The following DNAJA2 variants were observed in gnomAD, a reference collection of about 807,000 sequenced individuals.
DNAJA2 encodes the protein dnaJ homolog subfamily A member 2.
In DNAJA2, 6 loss-of-function variants were observed where a neutral mutation model predicts 49.3. That is an observed-to-expected ratio of 0.12 (90% CI 0.07 to 0.24). The LOEUF is 0.24. DNAJA2 is among the 10% of genes least tolerant of loss of function. DNAJA2 has a pLI of 1.00. For synonymous variants in DNAJA2, 160 were observed against 172.7 expected (o/e 0.93, Z 0.58); for missense variants, 347 against 516.8 (o/e 0.67, Z 3.19).
In DNAJA2 at chr16:46,973,615, G is replaced by C. The variant is rs1194496498; in HGVS notation, c.-43C>G. ...TGCTCGGGGAGAAGGTGGCGAAGCA[G>C]ACAGAGCGGAGTCGGGCCCACAAGC... On this transcript the variant is annotated 5_prime_UTR_variant, in exon 1 of 9. Transcript: ENST00000317089. The C allele has an allele frequency of 6.3e-7, 1 of 1,577,160 alleles. No homozygotes were observed. The highest frequency in any genetic ancestry group is 1.7e-5 in the Admixed American group (1 of 57,810).
In DNAJA2 at chr16:46,971,508, C is replaced by T. The variant is rs1379445095; in HGVS notation, c.203G>A (p.Arg68Lys). Residue 68 changes from arginine (R) to lysine (K), a missense_variant, in exon 3 of 9, where the codon AGA (arginine) becomes AAA (lysine). By Grantham distance (26) the Arg-to-Lys change is conservative. Transcript: ENST00000317089. ...TTCCCGAAGACCTTGCTCTCCGTAT[C>T]TGTCATATAACTCACGCTTCTCAGG... ...SNPEKRELYD[R>K]YGEQGLREGS... 6.2e-6 allele frequency: 10 copies of T among 1,613,652 alleles called. No homozygotes were observed. Among genetic ancestry groups the T allele is most frequent in the Non-Finnish European group, 8.5e-6 (10 of 1,179,914 alleles).
At chr16:46,960,914 A>G (rs1000973993) in intron 6 of DNAJA2, among the ~76,000 whole-genome samples, 1 of 151,606 alleles carries the variant, frequency 6.6e-6, no homozygotes, top group Non-Finnish European at 1.5e-5. Context: ...CGATCCCTTG[A>G]GCCCAGGATT....
intron 8 of DNAJA2, among the ~76,000 whole-genome samples, chr16:46,957,732 CA>C (rs1567352132): frequency 6.6e-6 from 1 of 151,638 alleles, no homozygotes; most frequent in Admixed American, 6.6e-5. Flanking sequence ...CTTTAAGAAC[CA>C]AAAAAAAGGT....
chr16:46,962,046 C>G (rs534512959), intron 6 of DNAJA2, among the ~76,000 whole-genome samples: 10 of 152,254 alleles, frequency 6.6e-5, no homozygotes, highest in Admixed American at 3.3e-4. Flanking sequence ...CCTTTACCAT[C>G]TTCTATTTTC....
chr16:46,964,204 T>C (rs981874497), intron 6 of DNAJA2, among the ~76,000 whole-genome samples: 3 of 152,110 alleles, frequency 2.0e-5, no homozygotes, highest in African/African-American at 7.2e-5. Context: ...AGAAAGCCTG[T>C]CTCTACTAAA....
intron 5 of DNAJA2, among the ~76,000 whole-genome samples, chr16:46,966,452 A>AC (rs1248880145): frequency 6.6e-6 from 1 of 152,238 alleles, no homozygotes; most frequent in Non-Finnish European, 1.5e-5. Context: ...CACACTAGCC[A>AC]CATGTGAAAT....
chr16:46,964,171 T>C (rs530833040), intron 6 of DNAJA2, among the ~76,000 whole-genome samples: 22 of 152,070 alleles, frequency 1.4e-4, no homozygotes, highest in Non-Finnish European at 2.6e-4. Context: ...GTTGGGAGCT[T>C]GAGACCAGCC....
Position 46,968,174 on chromosome 16 carries a change from AAAG to A in DNAJA2, c.363-13_363-11del, listed in dbSNP as rs773088940. ...ATCTTCTAAAGATACTCTGGAAAGA[AAAG>A]AATCGGCTTCAATCAAATTTTGCCA... On this transcript the variant is annotated splice_polypyrimidine_tract_variant and intron_variant, in intron 3 of 8. Transcript: ENST00000317089. 6.3e-7 allele frequency: 1 copy of A among 1,578,878 alleles called. No individual in the cohort carries two copies. The highest frequency in any genetic ancestry group is 2.0e-5 in the Admixed American group (1 of 50,762).
chr16:46,968,054 T>C (rs377357107), intron 4 of DNAJA2, 30 bp downstream of exon 4: 5 of 1,538,256 alleles, frequency 3.3e-6, no homozygotes, highest in East Asian at 4.5e-5. Flanking sequence ...ACAGACAAAA[T>C]GTACCCAATA....
At chr16:46,965,352 T>C (rs1245724229) in intron 5 of DNAJA2, among the ~76,000 whole-genome samples, 6 of 152,214 alleles carry the variant, frequency 3.9e-5, no homozygotes, top group African/African-American at 1.2e-4. Flanking sequence ...TTTTCTCTTA[T>C]AATTATGGTA....
intron 8 of DNAJA2, among the ~76,000 whole-genome samples, chr16:46,958,054 G>A (rs1040869871): frequency 1.3e-5 from 2 of 152,206 alleles, no homozygotes; most frequent in African/African-American, 4.8e-5. Flanking sequence ...GAAACTTGAA[G>A]TCGGCTGGGT....
intron 1 of DNAJA2, chr16:46,972,641 C>T (rs548284804): frequency 6.6e-6 from 1 of 152,422 alleles, no homozygotes; most frequent in African/African-American, 2.4e-5. Flanking sequence ...CTGTACTCTT[C>T]TCACTGCCTA....
chr16:46,969,744 C>T (rs916598183), intron 3 of DNAJA2, among the ~76,000 whole-genome samples: 2 of 152,122 alleles, frequency 1.3e-5, no homozygotes, highest in Non-Finnish European at 2.9e-5. Flanking sequence ...GTAAATAAAT[C>T]ATAGAATGCA....
At position 46,957,124 on chromosome 16, in the gene DNAJA2, A is replaced by T. The variant is rs758118666; in HGVS notation, c.1144T>A (p.Ser382Thr). The change falls in exon 9 of 9, where the codon TCA (serine) becomes ACA (threonine). Residue 382 changes from serine (S) to threonine (T), a missense_variant. Coordinates refer to ENST00000317089, the MANE Select transcript of DNAJA2 (RefSeq NM_005880.4). ...GCTTCACGCCTCTGACCACCTCCTGAGCCTCGAGTGCTATCAAATTCCTGA... is the reference window on the plus strand; with the variant it reads ...GCTTCACGCCTCTGACCACCTCCTGTGCCTCGAGTGCTATCAAATTCCTGA... Reference protein sequence around the residue: ...ELQEFDSTRGSGGGQRREAYN... With the variant: ...ELQEFDSTRGTGGGQRREAYN... The T allele has an allele frequency of 6.2e-6, 10 of 1,614,154 alleles. No homozygotes were observed. The highest frequency in any genetic ancestry group is 5.1e-6 in the Non-Finnish European group (6 of 1,180,026).
intron 6 of DNAJA2, 24 bp from the exon 7 acceptor site, chr16:46,959,443 T>C (rs1961864131): frequency 2.5e-6 from 4 of 1,586,896 alleles, no homozygotes; most frequent in South Asian, 1.1e-5. Flanking sequence ...ACAAAAGAAA[T>C]ACATTTTCTT....
At position 46,959,049 on chromosome 16, in the gene DNAJA2, T is replaced by C; in HGVS notation, c.1001A>G (p.Asp334Gly). Residue 334 changes from aspartate to glycine, a missense_variant, in exon 8 of 9, where the codon GAT becomes GGT. Asp to Gly is a moderately conservative substitution (Grantham distance 94). Transcript: ENST00000317089. ...FEKGDLYIKF[D>G]VQFPENNWIN... ...CCAGTTGTTTTCAGGAAACTGCACATCAAACTTTATGTAAAGATCACCTTT... is the reference window on the plus strand; with the variant it reads ...CCAGTTGTTTTCAGGAAACTGCACACCAAACTTTATGTAAAGATCACCTTT... 1 of 1,611,970 alleles carries C rather than the reference T, an allele frequency of 6.2e-7. No homozygotes were observed. Among genetic ancestry groups the C allele is most frequent in the Non-Finnish European group, 8.5e-7 (1 of 1,179,468 alleles).
intron 5 of DNAJA2, among the ~76,000 whole-genome samples, chr16:46,966,394 C>T (rs1215841608): frequency 6.6e-6 from 1 of 152,132 alleles, no homozygotes; most frequent in Non-Finnish European, 1.5e-5. Context: ...CAACCTGTAG[C>T]TACTTGTTTA....
At chr16:46,965,832 CAAAA>C (rs765934380) in intron 5 of DNAJA2, among the ~76,000 whole-genome samples, 5 of 55,688 alleles carry the variant, frequency 9.0e-5, no homozygotes, top group Non-Finnish European at 3.9e-5. Context: ...CTCCGTCTCA[CAAAA>C]AAAAAAAAAA....
chr16:46,956,736 A>C lies in DNAJA2; in HGVS notation c.*293T>G. The C allele has an allele frequency of 3.7e-6, 1 of 267,680 alleles. No homozygotes were observed. The highest frequency in any genetic ancestry group is 7.1e-6 in the Non-Finnish European group (1 of 141,398). The allele number at this position is 267,680 out of a possible 1,614,324, so 16.6% of individuals were successfully genotyped here. A position where few individuals can be genotyped will look rare whatever the true frequency, so the allele number is the denominator to read the frequency against. ...ATAAAAATCTACACAAAACTGATAA[A>C]AATCAAGCACAGATACCAGGATTGA... is the stretch of plus-strand genomic sequence containing the variant. On this transcript the variant is annotated 3_prime_UTR_variant, in exon 9 of 9. Coordinates refer to ENST00000317089, the MANE Select transcript of DNAJA2 (RefSeq NM_005880.4).
Sources: allele counts gnomAD v4.1 joint callset (sites outside exome capture counted in the v4.1 genomes callset), GRCh38; gene constraint gnomAD v4.1.1; transcripts MANE v1.5; gene names NCBI Gene and HGNC (gene_info 2026-07-23, HGNC 2026-07-21).